CACNA1C: variants seen among roughly 807,000 people sequenced by gnomAD.
CACNA1C encodes voltage-dependent L-type calcium channel subunit alpha-1C.
CACNA1C carries 30 observed loss-of-function variants against 229.0 expected under a neutral mutation model. The ratio of observed to expected loss-of-function variants is 0.13; its 90% confidence interval spans 0.10 to 0.18. The LOEUF is 0.18. CACNA1C is among the 10% of genes least tolerant of loss of function. The pLI is 1.00. For synonymous variants in CACNA1C, 1,114 were observed against 1,132.5 expected, an observed-to-expected ratio of 0.98 and a Z score of 0.33; for missense variants, 1,658 against 2,845.0, an observed-to-expected ratio of 0.58 and a Z score of 9.49.
At chr12:2,183,339 A>G (rs542944495) in intron 3 of CACNA1C, among the ~76,000 whole-genome samples, 19 of 152,264 alleles carry the variant, frequency 1.2e-4, no homozygotes, top group African/African-American at 4.1e-4. Flanking sequence ...CCCTATGCAG[A>G]GGTTCCCTAA....
intron 3 of CACNA1C, among the ~76,000 whole-genome samples, chr12:2,251,612 G>A (rs1046028437): frequency 1.3e-5 from 2 of 152,134 alleles, no homozygotes; most frequent in Non-Finnish European, 2.9e-5. Flanking sequence ...ACCCAGCCCC[G>A]GGCCCATGGG....
chr12:2,205,222 G>C (rs975204885), intron 3 of CACNA1C, among the ~76,000 whole-genome samples: 2 of 152,180 alleles, frequency 1.3e-5, no homozygotes, highest in South Asian at 4.1e-4. Flanking sequence ...ACAGACTTCT[G>C]CACGTTACAC....
chr12:2,409,585 G>A lies in CACNA1C; in HGVS notation c.478-39391G>A, dbSNP rs530083130. On this transcript the variant is annotated intron_variant, in intron 3 of 46. Coordinates refer to ENST00000399655, the MANE Select transcript of CACNA1C (RefSeq NM_000719.7). ...TTCTCACCATAATTTCTTAATTTTTGTTGGCAATTGTGCTTGAAGCAAAAA... is the reference window on the plus strand; with the variant it reads ...TTCTCACCATAATTTCTTAATTTTTATTGGCAATTGTGCTTGAAGCAAAAA... Among the ~76,000 whole-genome samples the A allele has an allele frequency of 7.9e-5, 12 of 152,362 alleles. No homozygotes were observed. The South Asian group carries it at 2.3e-3, about 29-fold the overall frequency.
intron 3 of CACNA1C, among the ~76,000 whole-genome samples, chr12:2,250,083 C>T (rs2075044297): frequency 6.6e-6 from 1 of 152,196 alleles, no homozygotes; most frequent in South Asian, 2.1e-4. Flanking sequence ...GCTGGGATTA[C>T]AGGCGTGAGC....
Position 2,678,582 on chromosome 12 carries a change from C to T in CACNA1C, c.5091+715C>T, listed in dbSNP as rs369531563. On this transcript the variant is annotated intron_variant, in intron 41 of 46. Transcript: ENST00000399655. This position sits in a 1 kb window ranked among gnomAD's most constrained non-coding sequence, Gnocchi z 4.1. ...TAATTGTGCAGGACCCTGCTCACAC[C>T]GCTCTCTCCCGGCCGCGGGCCCAGT... is the stretch of plus-strand genomic sequence containing the variant. 6.6e-5 allele frequency among the ~76,000 whole-genome samples: 10 copies of T among 152,216 alleles called. No homozygotes were observed. In the East Asian group the frequency reaches 9.6e-4, roughly 15 times the overall value.
chr12:2,408,773 G>C (rs912431748), intron 3 of CACNA1C, among the ~76,000 whole-genome samples: 9 of 152,150 alleles, frequency 5.9e-5, no homozygotes, highest in African/African-American at 1.9e-4. Flanking sequence ...TTGCTCACTA[G>C]TGAAGTCTTA....
intron 3 of CACNA1C, among the ~76,000 whole-genome samples, chr12:2,178,497 G>A (rs1398902948): frequency 6.6e-6 from 1 of 152,220 alleles, no homozygotes; most frequent in East Asian, 1.9e-4. Context: ...AGTCTAAGCA[G>A]TTGTCTTGTG....
chr12:2,297,268 C>T (rs1002907032), intron 3 of CACNA1C, among the ~76,000 whole-genome samples: 3 of 152,214 alleles, frequency 2.0e-5, no homozygotes, highest in African/African-American at 7.2e-5. Flanking sequence ...GTGACAGCAG[C>T]ATTCACCAGA....
At chr12:2,375,963 A>G (rs1265960334) in intron 3 of CACNA1C, among the ~76,000 whole-genome samples, 1 of 152,244 alleles carries the variant, frequency 6.6e-6, no homozygotes, top group Non-Finnish European at 1.5e-5. Flanking sequence ...AAACCAACCT[A>G]GAAACAGTCC....
At chr12:2,681,528 G>A (rs2097145042) in intron 42 of CACNA1C, among the ~76,000 whole-genome samples, 1 of 152,182 alleles carries the variant, frequency 6.6e-6, no homozygotes, top group African/African-American at 2.4e-5. Context: ...AGCACGTCCT[G>A]TGCCCGGTGG....
At chr12:2,478,279 A>T (rs1236318243) in intron 5 of CACNA1C, among the ~76,000 whole-genome samples, 1 of 152,194 alleles carries the variant, frequency 6.6e-6, no homozygotes, top group African/African-American at 2.4e-5. Flanking sequence ...CCATGCAGGC[A>T]AAACTCCAGT....
intron 3 of CACNA1C, among the ~76,000 whole-genome samples, chr12:2,282,768 G>A (rs2091704451): frequency 6.6e-6 from 1 of 152,224 alleles, no homozygotes; most frequent in African/African-American, 2.4e-5. Flanking sequence ...GAGAGTACAT[G>A]TAAGTTAGGA....
chr12:2,177,433 T>C (rs1246433211), intron 3 of CACNA1C, among the ~76,000 whole-genome samples: 3 of 152,134 alleles, frequency 2.0e-5, no homozygotes, highest in Non-Finnish European at 4.4e-5. Context: ...CCCTTCTCAT[T>C]ATTCCCTGCC....
chr12:2,644,074 T>C (rs936557032), intron 30 of CACNA1C, among the ~76,000 whole-genome samples: 12 of 152,154 alleles, frequency 7.9e-5, no homozygotes, highest in Admixed American at 1.3e-4. Context: ...GACAAGACAT[T>C]TTAAAAAATA....
At chr12:2,167,554 G>A (rs1364610122) in intron 3 of CACNA1C, among the ~76,000 whole-genome samples, 1 of 152,124 alleles carries the variant, frequency 6.6e-6, no homozygotes, top group African/African-American at 2.4e-5. Flanking sequence ...TCTCCTCCAT[G>A]GGGGGCAGAA....
At chr12:2,308,743 G>A (rs1449809587) in intron 3 of CACNA1C, among the ~76,000 whole-genome samples, 2 of 152,156 alleles carry the variant, frequency 1.3e-5, no homozygotes, top group Non-Finnish European at 2.9e-5. Flanking sequence ...TGCCCAACAG[G>A]CATATTGAAG....
intron 1 of CACNA1C, among the ~76,000 whole-genome samples, chr12:2,058,889 A>G (rs562331991): frequency 6.6e-6 from 1 of 152,274 alleles, no homozygotes; most frequent in Non-Finnish European, 1.5e-5. Flanking sequence ...TCTGTGTTTT[A>G]ATTCCTAGAT....
In CACNA1C at chr12:2,403,569, G is replaced by T. The variant is rs1231891280; in HGVS notation, c.478-45407G>T. Reference sequence around the variant, plus strand: ...TCTTTAATTAAACTTTTTTGATTAAGTGACAGCTTTTACCACTCCTGGCAG... The same window carrying T: ...TCTTTAATTAAACTTTTTTGATTAATTGACAGCTTTTACCACTCCTGGCAG... On this transcript the variant is annotated intron_variant, in intron 3 of 46. Transcript: ENST00000399655. The surrounding 1 kb of genome is among the most constrained non-coding windows in gnomAD (Gnocchi z 4.1). Among the ~76,000 whole-genome samples the T allele has an allele frequency of 6.6e-6, 1 of 152,062 alleles. No individual in the cohort carries two copies. The highest frequency in any genetic ancestry group is 2.4e-5 in the African/African-American group (1 of 41,386).
chr12:2,537,562 G>A (rs2099858701), intron 9 of CACNA1C, among the ~76,000 whole-genome samples: 1 of 152,246 alleles, frequency 6.6e-6, no homozygotes, highest in Non-Finnish European at 1.5e-5. Flanking sequence ...ATGGAACCGG[G>A]TTGGAGGAGG....
Sources: gnomAD v4.1 joint callset for allele counts (sites outside exome capture counted in the v4.1 genomes callset) on GRCh38, gnomAD v4.1.1 for gene constraint, Gnocchi (gnomAD v3.1) non-coding constraint, MANE v1.5 for transcripts, NCBI Gene and HGNC (gene_info 2026-07-23, HGNC 2026-07-21) for gene names.